IL12RB2: variants seen among roughly 807,000 people sequenced by gnomAD.
IL12RB2 encodes interleukin-12 receptor subunit beta-2.
Under a neutral mutation model 89.4 loss-of-function variants are expected in IL12RB2, and 82 were observed. The observed-to-expected ratio is 0.92, with a 90% CI of 0.77 to 1.10. The LOEUF is 1.10. IL12RB2 is among the 50% of genes least tolerant of loss of function. The pLI, the probability that IL12RB2 is intolerant of heterozygous loss-of-function variation, is 0.00. For missense variants in IL12RB2, 963 were observed against 1,031.9 expected (o/e 0.93, Z 0.92); for synonymous variants, 368 against 370.1 (o/e 0.99, Z 0.07).
chr1:67,321,765 C>T lies in IL12RB2; in HGVS notation c.240C>T (p.His80=). 1 of 1,611,644 alleles carries T rather than the reference C, an allele frequency of 6.2e-7. No homozygotes were observed. Among genetic ancestry groups the T allele is most frequent in the Non-Finnish European group, 8.5e-7 (1 of 1,177,738 alleles). The change falls in exon 4 of 17, where the codon CAC becomes CAT. Residue 80 remains histidine (H), a synonymous_variant. Coordinates refer to ENST00000674203, the MANE Select transcript of IL12RB2 (RefSeq NM_001374259.2). ...LYKFDRRINF[H]HGHSLNSQVT... Reference sequence around the variant, plus strand: ...AGTTTGACAGAAGAATCAATTTTCACCATGGCCACTCCCTCAATTCTCAAG... The same window carrying T: ...AGTTTGACAGAAGAATCAATTTTCATCATGGCCACTCCCTCAATTCTCAAG...
At chr1:67,326,340 C>T (rs1657282650) in intron 4 of IL12RB2, among the ~76,000 whole-genome samples, 2 of 152,196 alleles carry the variant, frequency 1.3e-5, no homozygotes, top group South Asian at 4.1e-4. Context: ...AAGGCTTGGA[C>T]TTGAGTTACA....
chr1:67,351,772 A>G (rs1660873986), intron 10 of IL12RB2, among the ~76,000 whole-genome samples: 1 of 152,204 alleles, frequency 6.6e-6, no homozygotes, highest in Non-Finnish European at 1.5e-5. Flanking sequence ...AAAATTCCCA[A>G]CTAGATGTAG....
chr1:67,392,237 T>C (rs952499758), intron 16 of IL12RB2, among the ~76,000 whole-genome samples: 3 of 152,230 alleles, frequency 2.0e-5, no homozygotes, highest in African/African-American at 7.2e-5. Context: ...AGTGTATTCA[T>C]TGCAGCATTA....
intron 3 of IL12RB2, among the ~76,000 whole-genome samples, 182 bp downstream of exon 3, chr1:67,320,626 A>G (rs976944310): frequency 1.3e-5 from 2 of 152,208 alleles, no homozygotes; most frequent in Non-Finnish European, 2.9e-5. Context: ...ATTTGCACTA[A>G]TGATTAATAT....
chr1:67,317,553 T>C (rs1421341527), intron 2 of IL12RB2, among the ~76,000 whole-genome samples: 1 of 152,158 alleles, frequency 6.6e-6, no homozygotes, highest in African/African-American at 2.4e-5. Context: ...TGGGCCCACT[T>C]GGTTAATCCA....
At chr1:67,315,974 A>T (rs1039281695) in intron 2 of IL12RB2, among the ~76,000 whole-genome samples, 5 of 152,224 alleles carry the variant, frequency 3.3e-5, no homozygotes, top group African/African-American at 9.6e-5. Flanking sequence ...TACTAATATA[A>T]CAAAAAATCC....
At position 67,376,703 on chromosome 1, in the gene IL12RB2, C is replaced by CATGT. The variant is rs146708349; in HGVS notation, c.1718-3283_1718-3282insATGT. Among the ~76,000 whole-genome samples, 7 of 150,906 alleles carry CATGT rather than the reference C, an allele frequency of 4.6e-5. No individual in the cohort carries two copies. In the East Asian group the frequency reaches 1.2e-3, roughly 25 times the overall value. The stretch of plus-strand genomic sequence containing the variant: ...TATTTTTGTTCTCCTAATATGTGTG[C>CATGT]GTGTGTGTGTGTGTATGTGTGTTTG... On this transcript the variant is annotated intron_variant, in intron 13 of 16. Transcript: ENST00000674203.
At chr1:67,379,768 AT>A (rs1473686370) in intron 13 of IL12RB2, among the ~76,000 whole-genome samples, 2 of 152,164 alleles carry the variant, frequency 1.3e-5, no homozygotes, top group Admixed American at 6.5e-5. Context: ...CTACAAAAAA[AT>A]AATTTGTTTA....
intron 16 of IL12RB2, among the ~76,000 whole-genome samples, chr1:67,393,600 C>T (rs528667155): frequency 1.3e-5 from 2 of 152,306 alleles, no homozygotes; most frequent in East Asian, 3.9e-4. Context: ...GCAGTCTCCC[C>T]GAAGTGAAAC....
intron 10 of IL12RB2, among the ~76,000 whole-genome samples, chr1:67,358,855 A>G (rs1460819341): frequency 1.3e-5 from 2 of 152,030 alleles, no homozygotes; most frequent in African/African-American, 4.8e-5. Flanking sequence ...AGAATAAAAA[A>G]CTTAGCCCAG....
chr1:67,349,963 A>G lies in IL12RB2; in HGVS notation c.1039-907A>G, dbSNP rs551518978. 2.2e-4 allele frequency among the ~76,000 whole-genome samples: 33 copies of G among 152,346 alleles called. 1 individual carries two copies. The highest frequency in any genetic ancestry group is 7.7e-4 in the African/African-American group (32 of 41,584). On this transcript the variant is annotated intron_variant, in intron 9 of 16. Coordinates refer to ENST00000674203, the MANE Select transcript of IL12RB2 (RefSeq NM_001374259.2). ...TCGACAGAGGAAACCAAATTATTAG[A>G]AGAGTGCTTGGTGAGCAGGGAACCC...
chr1:67,356,667 G>C (rs559649274), intron 10 of IL12RB2, among the ~76,000 whole-genome samples: 1 of 152,280 alleles, frequency 6.6e-6, no homozygotes, highest in South Asian at 2.1e-4. Context: ...AGCTTTCCAA[G>C]CTGAAAAGCC....
intron 8 of IL12RB2, among the ~76,000 whole-genome samples, chr1:67,332,649 A>G (rs775375179): frequency 1.3e-5 from 2 of 152,236 alleles, no homozygotes; most frequent in Non-Finnish European, 2.9e-5. Context: ...TTTATTATAT[A>G]TAGTCAAAGT....
chr1:67,368,071 T>C (rs751804932), intron 11 of IL12RB2, 46 bp downstream of exon 11: 2 of 1,275,926 alleles, frequency 1.6e-6, no homozygotes, highest in East Asian at 4.6e-5. Context: ...TAAGTTCACA[T>C]TTGTTTGGGG....
In IL12RB2 at chr1:67,397,304, G is replaced by A. The variant is rs17129992; in HGVS notation, c.*1215G>A. Among the ~76,000 whole-genome samples the A allele has an allele frequency of 6.9e-3, 1,054 of 152,108 alleles. 12 individuals carry two copies. Among genetic ancestry groups the A allele is most frequent in the African/African-American group, 0.024 (1,015 of 41,494 alleles). On this transcript the variant is annotated 3_prime_UTR_variant, in exon 17 of 17. Transcript: ENST00000674203. ...AACCCAGCCTCCCACTCTGAATCTC[G>A]GGTGTCTTGTAAAGGGCTGGACCAA...
chr1:67,316,421 A>AGTGTGTGTGTGTGTGTGTGTGT lies in IL12RB2; in HGVS notation c.-37+2432_-37+2453dup, dbSNP rs71062410. ...CTGCATCCACCCTAGTCCCCAGAGTAGTGTGTGTGTGTGTGTGTGTGTGTG... is the reference window on the plus strand; with the variant it reads ...CTGCATCCACCCTAGTCCCCAGAGTAGTGTGTGTGTGTGTGTGTGTGTGTGTGTGTGTGTGTGTGTGTGTGTG... On this transcript the variant is annotated intron_variant, in intron 2 of 16. Transcript: ENST00000674203. 2.1e-3 allele frequency among the ~76,000 whole-genome samples: 311 copies of AGTGTGTGTGTGTGTGTGTGTGT among 146,244 alleles called. 1 individual carries two copies. Among genetic ancestry groups the AGTGTGTGTGTGTGTGTGTGTGT allele is most frequent in the Admixed American group, 3.4e-3 (50 of 14,582 alleles).
chr1:67,340,876 G>A (rs997122668), intron 9 of IL12RB2, among the ~76,000 whole-genome samples: 1 of 152,256 alleles, frequency 6.6e-6, no homozygotes, highest in South Asian at 2.1e-4. Flanking sequence ...GGAATTTGGA[G>A]GGACTTCAAA....
In IL12RB2 at chr1:67,330,802, C is replaced by G. The variant is rs1055164161; in HGVS notation, c.950C>G (p.Pro317Arg). ...AGTGAATCATTGAGAGCACAAACACCAGAAGAAGGTATATGTCCAAAATAT... is the reference window on the plus strand; with the variant it reads ...AGTGAATCATTGAGAGCACAAACACGAGAAGAAGGTATATGTCCAAAATAT... Reference protein sequence around the residue: ...DWSESLRAQTPEEEPTGMLDV... With the variant: ...DWSESLRAQTREEEPTGMLDV... The change falls in exon 8 of 17, where the codon CCA becomes CGA. Residue 317 changes from proline (P) to arginine (R), a missense_variant. By Grantham distance (103) the Pro-to-Arg change is moderately radical (BLOSUM62 -2). Coordinates refer to ENST00000674203, the MANE Select transcript of IL12RB2 (RefSeq NM_001374259.2). 1 of 1,563,038 alleles carries G rather than the reference C, an allele frequency of 6.4e-7. No individual in the cohort carries two copies. Among genetic ancestry groups the G allele is most frequent in the East Asian group, 2.2e-5 (1 of 44,490 alleles).
At chr1:67,369,414 T>A (rs1172821534) in intron 11 of IL12RB2, among the ~76,000 whole-genome samples, 2 of 152,214 alleles carry the variant, frequency 1.3e-5, no homozygotes, top group Admixed American at 1.3e-4. Flanking sequence ...GAAGTAGCTA[T>A]CAGCTCAATT....
Sources: gnomAD v4.1 joint callset for allele counts (sites outside exome capture counted in the v4.1 genomes callset) on GRCh38, gnomAD v4.1.1 for gene constraint, MANE v1.5 for transcripts, NCBI Gene and HGNC (gene_info 2026-07-23, HGNC 2026-07-21) for gene names.